The following FRMD6 variants were observed in gnomAD, a reference collection of about 807,000 sequenced individuals.
The protein encoded by FRMD6 is FERM domain-containing protein 6.
A neutral mutation model predicts 73.2 loss-of-function variants in FRMD6; 37 were observed. The observed-to-expected ratio is 0.51, with a 90% CI of 0.39 to 0.66. FRMD6 has a LOEUF of 0.66. Ranked by LOEUF, FRMD6 falls within the 30% of genes least tolerant of loss-of-function variation. FRMD6 has a pLI of 0.00. For synonymous variants in FRMD6, 273 were observed against 282.2 expected, an observed-to-expected ratio of 0.97 and a Z score of 0.33; for missense variants, 714 against 780.5, an observed-to-expected ratio of 0.91 and a Z score of 1.02.
At chr14:51,450,950 G>A in the FRMD6 span, among the ~76,000 whole-genome samples, 229 of 152,344 alleles carry the variant, frequency 1.5e-3, 7 homozygotes, top group South Asian at 0.046. Context: ...TGAGTGCACT[G>A]TGGAGGGTGA....
Position 51,720,241 on chromosome 14 carries a change from G to A in FRMD6, c.1211G>A (p.Arg404Gln), listed in dbSNP as rs369852661. 23 of 1,613,854 alleles carry A rather than the reference G, an allele frequency of 1.4e-5. No homozygotes were observed. Among genetic ancestry groups the A allele is most frequent in the African/African-American group, 6.7e-5 (5 of 74,894 alleles). The change falls in exon 11 of 14, where the codon CGG (arginine) becomes CAG (glutamine). Residue 404 changes from arginine to glutamine, a missense_variant. Coordinates refer to ENST00000344768, the MANE Select transcript of FRMD6 (RefSeq NM_001267046.2). ...GGCATTGAGGCAGACACCAAGCCCC[G>A]GGACACGGGGCCAGAAGACAGCTAC... Reference protein sequence around the residue: ...TSGIEADTKPRDTGPEDSYSS... With the variant: ...TSGIEADTKPQDTGPEDSYSS...
At chr14:51,721,203 C>T (rs922819406) in intron 11 of FRMD6, among the ~76,000 whole-genome samples, 2 of 152,078 alleles carry the variant, frequency 1.3e-5, no homozygotes, top group Non-Finnish European at 2.9e-5. Context: ...CCATCAGTTT[C>T]GGTTTGTCCT....
chr14:51,500,201 G>C (rs1883526579), intron 1 of FRMD6, among the ~76,000 whole-genome samples: 2 of 152,202 alleles, frequency 1.3e-5, no homozygotes. Context: ...GGAAATGTTA[G>C]AGATGTAAAC....
intron 1 of FRMD6, among the ~76,000 whole-genome samples, chr14:51,545,202 C>T (rs992771935): frequency 6.6e-6 from 1 of 152,042 alleles, no homozygotes; most frequent in South Asian, 2.1e-4. Flanking sequence ...AGACATGATA[C>T]AAGCATCATA....
chr14:51,421,622 G>A, the FRMD6 span, among the ~76,000 whole-genome samples: 1 of 152,154 alleles, frequency 6.6e-6, no homozygotes, highest in Admixed American at 6.5e-5. Flanking sequence ...AGTGCTATAG[G>A]GAACCTCCTC....
chr14:51,683,669 C>T (rs1413788520), intron 1 of FRMD6, among the ~76,000 whole-genome samples: 1 of 152,036 alleles, frequency 6.6e-6, no homozygotes, highest in Non-Finnish European at 1.5e-5. Flanking sequence ...TCATTTAACC[C>T]TTCCAATAAT....
intron 2 of FRMD6, among the ~76,000 whole-genome samples, chr14:51,618,883 A>AAT: frequency 6.7e-6 from 1 of 149,876 alleles, no homozygotes; most frequent in Non-Finnish European, 1.5e-5. Context: ...TCTGATGATG[A>AAT]ATATATATTA....
chr14:51,704,811 G>C lies in FRMD6; in HGVS notation c.434G>C (p.Cys145Ser). 1 of 1,613,366 alleles carries C rather than the reference G, an allele frequency of 6.2e-7. No homozygotes were observed. The highest frequency in any genetic ancestry group is 8.5e-7 in the Non-Finnish European group (1 of 1,179,574). Residue 145 changes from cysteine (C) to serine (S), a missense_variant, in exon 6 of 14, where the codon TGT becomes TCT. Cys to Ser is a moderately radical substitution (Grantham distance 112). Coordinates refer to ENST00000344768, the MANE Select transcript of FRMD6 (RefSeq NM_001267046.2). ...AGAAAACAAGTTCTTCATTCTCAGT[G>C]TGTGCTCCGAGAGGAGGCCTACTTC... ...HLRKQVLHSQ[C>S]VLREEAYFLL...
chr14:51,443,988 G>A, the FRMD6 span, among the ~76,000 whole-genome samples: 6 of 145,342 alleles, frequency 4.1e-5, no homozygotes, highest in African/African-American at 1.5e-4. Context: ...GAGTGCAATG[G>A]TGCAATCTTG....
At chr14:51,474,749 AC>A in the FRMD6 span, among the ~76,000 whole-genome samples, 9 of 152,224 alleles carry the variant, frequency 5.9e-5, no homozygotes, top group South Asian at 4.1e-4. Flanking sequence ...GCAATGGGGA[AC>A]CACAGAAGGC....
chr14:51,466,228 T>A, the FRMD6 span, among the ~76,000 whole-genome samples: 8 of 152,354 alleles, frequency 5.3e-5, no homozygotes, highest in Non-Finnish European at 1.0e-4. Context: ...ATTTATTAAT[T>A]GTGTCTTTTA....
chr14:51,691,204 A>G (rs1417075281), intron 2 of FRMD6, among the ~76,000 whole-genome samples: 1 of 152,116 alleles, frequency 6.6e-6, no homozygotes, highest in African/African-American at 2.4e-5. Flanking sequence ...TTTCTTTTAC[A>G]TTGTTGTGTG....
intron 2 of FRMD6, 167 bp from the exon 3 acceptor site, chr14:51,697,975 G>A: frequency 1.9e-6 from 1 of 535,676 alleles, no homozygotes; most frequent in African/African-American, 1.9e-5. Flanking sequence ...CATCATTACT[G>A]AAACACAACC....
chr14:51,497,111 G>GAT (rs1242624999), intron 1 of FRMD6, among the ~76,000 whole-genome samples: 1 of 152,064 alleles, frequency 6.6e-6, no homozygotes, highest in African/African-American at 2.4e-5. Flanking sequence ...TAGTAATTCT[G>GAT]ACATATGTAT....
chr14:51,537,255 C>T (rs1357486877), intron 1 of FRMD6, among the ~76,000 whole-genome samples: 1 of 152,210 alleles, frequency 6.6e-6, no homozygotes, highest in Non-Finnish European at 1.5e-5. Context: ...AATCATACAG[C>T]ATGTAACCTT....
chr14:51,468,896 T>C, the FRMD6 span, among the ~76,000 whole-genome samples: 1 of 152,208 alleles, frequency 6.6e-6, no homozygotes. Flanking sequence ...TCTTCTTTAT[T>C]GTGTTAATAT....
chr14:51,402,477 G>T, the FRMD6 span, among the ~76,000 whole-genome samples: 19 of 152,162 alleles, frequency 1.2e-4, no homozygotes, highest in South Asian at 3.3e-3. Context: ...GAGTTTCCCT[G>T]CAAAAGCCCT....
intron 1 of FRMD6, among the ~76,000 whole-genome samples, chr14:51,681,950 G>A (rs1894827733): frequency 6.6e-6 from 1 of 152,064 alleles, no homozygotes; most frequent in African/African-American, 2.4e-5. Context: ...TGTTACAAAT[G>A]TACAATACAA....
the FRMD6 span, among the ~76,000 whole-genome samples, chr14:51,411,024 A>C: frequency 6.6e-6 from 1 of 152,166 alleles, no homozygotes; most frequent in Non-Finnish European, 1.5e-5. Context: ...AACTCCCCGC[A>C]GTTAGTTAAC....
Sources: allele counts gnomAD v4.1 joint callset (sites outside exome capture counted in the v4.1 genomes callset), GRCh38; gene constraint gnomAD v4.1.1; transcripts MANE v1.5; gene names NCBI Gene and HGNC (gene_info 2026-07-23, HGNC 2026-07-21).